Variants in RYR2 observed in about 807,000 individuals in gnomAD.
RYR2 encodes the protein cardiac muscle ryanodine receptor-calcium release channel.
RYR2 carries 227 observed loss-of-function variants against 601.1 expected under a neutral mutation model. The ratio of observed to expected loss-of-function variants is 0.38; its 90% CI spans 0.34 to 0.42. RYR2 has a LOEUF of 0.42. Among genes scored for constraint, RYR2 ranks in the 10% least tolerant of loss-of-function variants. The pLI is 1.00. For synonymous variants in RYR2, 2,223 were observed against 2,175.1 expected (o/e 1.02, Z -0.61); for missense variants, 4,646 against 6,156.5 (o/e 0.75, Z 8.21).
chr1:237,565,309 AGG>A (rs1671952021), intron 27 of RYR2, among the ~76,000 whole-genome samples: 1 of 149,874 alleles, frequency 6.7e-6, no homozygotes, highest in South Asian at 2.1e-4. Flanking sequence ...TCTATCACCC[AGG>A]CTGGAATGCA....
In RYR2 at chr1:237,075,386, T is replaced by C. The variant is rs933715532; in HGVS notation, c.48+32817T>C. On this transcript the variant is annotated intron_variant, in intron 1 of 104. Transcript: ENST00000366574. Reference sequence around the variant, plus strand: ...GTACCCGGTTCATCTCACTAGGGAGTGCCAGACAGTGGGCGCAGGCCAGTG... The same window carrying C: ...GTACCCGGTTCATCTCACTAGGGAGCGCCAGACAGTGGGCGCAGGCCAGTG... 2.2e-3 allele frequency among the ~76,000 whole-genome samples: 322 copies of C among 145,492 alleles called. 1 individual carries two copies. Among genetic ancestry groups the C allele is most frequent in the African/African-American group, 8.1e-3 (312 of 38,736 alleles).
intron 79 of RYR2, among the ~76,000 whole-genome samples, chr1:237,735,092 T>C (rs981541691): frequency 2.0e-5 from 3 of 152,178 alleles, no homozygotes; most frequent in African/African-American, 7.2e-5. Context: ...GGACTTATTG[T>C]GTGGTCACCA....
chr1:237,393,349 C>A (rs939885231), intron 10 of RYR2, among the ~76,000 whole-genome samples: 2 of 152,082 alleles, frequency 1.3e-5, no homozygotes, highest in Non-Finnish European at 2.9e-5. Context: ...TACCTCCATG[C>A]CCCCTTTTAA....
intron 80 of RYR2, among the ~76,000 whole-genome samples, chr1:237,750,193 A>G (rs1443678025): frequency 1.3e-5 from 2 of 152,132 alleles, no homozygotes; most frequent in African/African-American, 4.8e-5. Flanking sequence ...CTGTACATAC[A>G]TACGTATCCC....
chr1:237,054,477 A>G (rs1178847472), intron 1 of RYR2, among the ~76,000 whole-genome samples: 1 of 152,052 alleles, frequency 6.6e-6, no homozygotes, highest in African/African-American at 2.4e-5. Context: ...CTGCTCTTAA[A>G]TTGTGGAAAA....
chr1:237,461,882 G>A (rs541768656), intron 16 of RYR2, among the ~76,000 whole-genome samples: 2 of 151,812 alleles, frequency 1.3e-5, no homozygotes, highest in Non-Finnish European at 2.9e-5. Context: ...TTCTTTTTGT[G>A]TTATAGTGAG....
intron 77 of RYR2, among the ~76,000 whole-genome samples, chr1:237,730,592 A>G (rs1349608279): frequency 6.6e-6 from 1 of 152,150 alleles, no homozygotes; most frequent in Non-Finnish European, 1.5e-5. Flanking sequence ...TGAATAATAT[A>G]GAAGTATTAT....
chr1:237,114,088 G>A (rs1449033969), intron 1 of RYR2, among the ~76,000 whole-genome samples: 1 of 152,128 alleles, frequency 6.6e-6, no homozygotes, highest in Non-Finnish European at 1.5e-5. Context: ...AGATGTCCCA[G>A]GGAAAAATAA....
At chr1:237,289,160 T>C (rs1363327021) in intron 2 of RYR2, among the ~76,000 whole-genome samples, 5 of 152,284 alleles carry the variant, frequency 3.3e-5, no homozygotes, top group South Asian at 2.1e-4. Context: ...TAGGGGGGTC[T>C]CCCGGGTCCT....
intron 4 of RYR2, among the ~76,000 whole-genome samples, chr1:237,358,283 A>G (rs982087739): frequency 2.0e-5 from 3 of 152,152 alleles, no homozygotes; most frequent in Admixed American, 6.5e-5. Context: ...AGCTAATTCA[A>G]GTTAACTTGT....
At chr1:237,589,230 A>G (rs1674877356) in intron 29 of RYR2, among the ~76,000 whole-genome samples, 1 of 152,122 alleles carries the variant, frequency 6.6e-6, no homozygotes, top group Non-Finnish European at 1.5e-5. Context: ...AAAAAGCAAA[A>G]TTTTCTTCAA....
intron 100 of RYR2, among the ~76,000 whole-genome samples, chr1:237,810,828 A>G (rs990967493): frequency 6.0e-5 from 9 of 150,506 alleles, no homozygotes; most frequent in African/African-American, 2.2e-4. Flanking sequence ...ATTAAATTAC[A>G]TTTAATTTAA....
At chr1:237,172,111 A>G (rs1203915170) in intron 1 of RYR2, among the ~76,000 whole-genome samples, 2 of 152,222 alleles carry the variant, frequency 1.3e-5, no homozygotes, top group Admixed American at 1.3e-4. Context: ...TACTAGCACT[A>G]TCGGGATGTA....
chr1:237,248,297 C>A (rs1283603660), intron 1 of RYR2, among the ~76,000 whole-genome samples: 5 of 110,166 alleles, frequency 4.5e-5, no homozygotes, highest in African/African-American at 1.5e-4. Context: ...CCCCCCCCCC[C>A]CCAAAAATGA....
chr1:237,713,081 A>G lies in RYR2; in HGVS notation c.10323+1244A>G, dbSNP rs141186323. On this transcript the variant is annotated intron_variant, in intron 71 of 104. Transcript: ENST00000366574. ...TTGCTTGGTAGGCCTAGTCTTGTTT[A>G]AGAGTTTTGAATGCCCTGTGTTTGA... Among the ~76,000 whole-genome samples, 94 of 152,324 alleles carry G rather than the reference A, an allele frequency of 6.2e-4. 3 individuals are homozygous for G. In the East Asian group the frequency reaches 0.018, roughly 29 times the overall value.
chr1:237,185,016 T>A (rs952670181), intron 1 of RYR2, among the ~76,000 whole-genome samples: 1 of 151,918 alleles, frequency 6.6e-6, no homozygotes, highest in African/African-American at 2.4e-5. Context: ...ACTGCAGGCA[T>A]GCACCACCAC....
intron 20 of RYR2, among the ~76,000 whole-genome samples, chr1:237,497,620 C>T (rs1277962278): frequency 6.6e-6 from 1 of 152,098 alleles, no homozygotes; most frequent in Non-Finnish European, 1.5e-5. Flanking sequence ...AGTTATAAAG[C>T]TGAACTTTGC....
intron 3 of RYR2, among the ~76,000 whole-genome samples, chr1:237,347,264 A>G (rs1232038406): frequency 1.3e-5 from 2 of 152,108 alleles, no homozygotes; most frequent in Non-Finnish European, 2.9e-5. Flanking sequence ...TCCAGGCTGC[A>G]CTGAGCTATG....
In RYR2 at chr1:237,660,051, C is replaced by G; in HGVS notation, c.8275C>G (p.Pro2759Ala). ...DSSKVQPLMK[P>A]YKLLSEKEKE... Reference sequence around the variant, plus strand: ...TTCTAAGGTTCAGCCATTAATGAAGCCATATAAGCTATTGTCTGAAAAGGT... The same window carrying G: ...TTCTAAGGTTCAGCCATTAATGAAGGCATATAAGCTATTGTCTGAAAAGGT... The change falls in exon 55 of 105, where the codon CCA becomes GCA. Residue 2759 changes from proline to alanine, a missense_variant. Pro to Ala is a conservative substitution (Grantham distance 27). Around this residue, in one of 17 missense-constraint regions of RYR2, gnomAD observed 1,497 missense variants for 1,842.6 expected, o/e 0.81. Coordinates refer to ENST00000366574, the MANE Select transcript of RYR2 (RefSeq NM_001035.3). 6.4e-7 allele frequency: 1 copy of G among 1,573,956 alleles called. No individual in the cohort carries two copies. The highest frequency in any genetic ancestry group is 8.6e-7 in the Non-Finnish European group (1 of 1,162,022).
Sources: gnomAD v4.1 joint callset for allele counts (sites outside exome capture counted in the v4.1 genomes callset) on GRCh38, gnomAD v4.1.1 for gene constraint, gnomAD v4.1.1 regional missense constraint, MANE v1.5 for transcripts, NCBI Gene and HGNC (gene_info 2026-07-23, HGNC 2026-07-21) for gene names.